CFAP20DC: variants seen among roughly 807,000 people sequenced by gnomAD.
CFAP20DC encodes CFAP20 domain containing, also known as protein CFAP20DC.
Under a neutral mutation model 101.7 loss-of-function variants are expected in CFAP20DC, and 84 were observed. The observed-to-expected ratio is 0.83, with a 90% CI of 0.69 to 0.99. The LOEUF is 0.99. Among genes scored for constraint, CFAP20DC ranks in the 50% least tolerant of loss-of-function variants. The pLI, the probability that CFAP20DC is intolerant of heterozygous loss-of-function variation, is 0.00. For synonymous variants in CFAP20DC, 359 were observed against 351.2 expected, an observed-to-expected ratio of 1.02 and a Z score of -0.25; for missense variants, 1,007 against 970.3, an observed-to-expected ratio of 1.04 and a Z score of -0.50.
rs892946886 is a variant in CFAP20DC, at chr3:58,861,475, T to C, written c.1593+2083A>G. On this transcript the variant is annotated intron_variant, in intron 12 of 16. Coordinates refer to ENST00000482387, the MANE Select transcript of CFAP20DC (RefSeq NM_001394063.1). This position sits in a 1 kb window ranked among gnomAD's most constrained non-coding sequence, Gnocchi z 4.0. ...TGTAAATATGTAGCCTAATTTCCCATTGATTTATACAATTAATAAATAGAA... is the reference window on the plus strand; with the variant it reads ...TGTAAATATGTAGCCTAATTTCCCACTGATTTATACAATTAATAAATAGAA... 5 of 917,530 alleles carry C rather than the reference T, an allele frequency of 5.4e-6. No individual in the cohort carries two copies. Among genetic ancestry groups the C allele is most frequent in the Admixed American group, 6.2e-5 (1 of 16,158 alleles). The allele number at this position is 917,530 out of a possible 1,614,324, so 56.8% of individuals were successfully genotyped here.
At chr3:59,030,276 G>A (rs2093965531) in intron 4 of CFAP20DC, among the ~76,000 whole-genome samples, 1 of 152,134 alleles carries the variant, frequency 6.6e-6, no homozygotes, top group Admixed American at 6.5e-5. Flanking sequence ...TTCATTTAAG[G>A]GGGAAAAAAA....
chr3:58,899,434 C>T lies in CFAP20DC; in HGVS notation c.550+14274G>A, dbSNP rs189865072. 6.6e-6 allele frequency among the ~76,000 whole-genome samples: 1 copy of T among 152,318 alleles called. No homozygotes were observed. The highest frequency in any genetic ancestry group is 2.4e-5 in the African/African-American group (1 of 41,556). On this transcript the variant is annotated intron_variant, in intron 6 of 16. Transcript: ENST00000482387. This position sits in a 1 kb window ranked among gnomAD's most constrained non-coding sequence, Gnocchi z 5.0. ...TTGTGAGACACTGTGGAAGGGGGGC[C>T]TGCAGAACATGCTGCTTGGCTTCCG...
intron 13 of CFAP20DC, among the ~76,000 whole-genome samples, chr3:58,833,836 G>A (rs1474634756): frequency 6.6e-6 from 1 of 152,134 alleles, no homozygotes; most frequent in Non-Finnish European, 1.5e-5. Context: ...ATCAACTGAT[G>A]GATGAGTTTT....
At chr3:58,752,848 A>C (rs1472174382) in intron 16 of CFAP20DC, among the ~76,000 whole-genome samples, 2 of 152,156 alleles carry the variant, frequency 1.3e-5, no homozygotes, top group Non-Finnish European at 2.9e-5. Flanking sequence ...AGGAAAAAAA[A>C]CAAAACCTGG....
chr3:58,862,987 A>C (rs1222383357), intron 12 of CFAP20DC: 96 of 975,234 alleles, frequency 9.8e-5, no homozygotes, highest in Non-Finnish European at 1.1e-4. Context: ...GGATATATCC[A>C]TATTCTAAAT....
At chr3:58,988,593 C>A (rs1559950282) in intron 4 of CFAP20DC, among the ~76,000 whole-genome samples, 2 of 152,114 alleles carry the variant, frequency 1.3e-5, no homozygotes, top group Non-Finnish European at 2.9e-5. Context: ...AACTACTTCA[C>A]CATATTTCCT....
intron 15 of CFAP20DC, among the ~76,000 whole-genome samples, chr3:58,792,661 G>T (rs2072947997): frequency 6.6e-6 from 1 of 150,852 alleles, no homozygotes; most frequent in African/African-American, 2.4e-5. Flanking sequence ...GACTCTCAGA[G>T]TACTCAATTG....
In CFAP20DC at chr3:58,869,254, G is replaced by T; in HGVS notation, c.1015+74C>A. 2 of 1,200,488 alleles carry T rather than the reference G, an allele frequency of 1.7e-6. No individual in the cohort carries two copies. Among genetic ancestry groups the T allele is most frequent in the Non-Finnish European group, 2.3e-6 (2 of 857,494 alleles). 74.4% of individuals were successfully genotyped at this position (1,200,488 alleles called of 1,614,324 possible). On this transcript the variant is annotated intron_variant, in intron 9 of 16. Coordinates refer to ENST00000482387, the MANE Select transcript of CFAP20DC (RefSeq NM_001394063.1). This position sits in a 1 kb window ranked among gnomAD's most constrained non-coding sequence, Gnocchi z 4.3. ...TTAAGATCTAGACTTGAATATAACTGCTGATTTATCTTAACAAGAACATTT... is the reference window on the plus strand; with the variant it reads ...TTAAGATCTAGACTTGAATATAACTTCTGATTTATCTTAACAAGAACATTT...
At chr3:58,985,216 C>G (rs796291725) in intron 4 of CFAP20DC, among the ~76,000 whole-genome samples, 4 of 152,318 alleles carry the variant, frequency 2.6e-5, no homozygotes, top group African/African-American at 9.6e-5. Flanking sequence ...GTGTGAGCCA[C>G]TGTGCTGGGC....
chr3:58,951,267 G>C (rs1237351863), intron 4 of CFAP20DC, among the ~76,000 whole-genome samples: 1 of 152,214 alleles, frequency 6.6e-6, no homozygotes, highest in Non-Finnish European at 1.5e-5. Context: ...ACAGGTGCTG[G>C]AGAGGATGTG....
intron 16 of CFAP20DC, among the ~76,000 whole-genome samples, chr3:58,750,087 G>T (rs1355492082): frequency 6.6e-6 from 1 of 152,148 alleles, no homozygotes; most frequent in East Asian, 1.9e-4. Context: ...CTGTTCACAT[G>T]AATGTGGCAT....
intron 4 of CFAP20DC, among the ~76,000 whole-genome samples, chr3:59,004,018 C>A (rs1034263625): frequency 6.6e-6 from 1 of 152,134 alleles, no homozygotes; most frequent in African/African-American, 2.4e-5. Context: ...TCATAAATGT[C>A]TTGATATAGT....
chr3:58,947,479 C>T (rs1411437431), intron 4 of CFAP20DC, among the ~76,000 whole-genome samples: 1 of 152,226 alleles, frequency 6.6e-6, no homozygotes, highest in Non-Finnish European at 1.5e-5. Flanking sequence ...GGGCTGGTAG[C>T]TCTCCCTCAG....
intron 14 of CFAP20DC, among the ~76,000 whole-genome samples, chr3:58,817,157 G>A (rs1460407467): frequency 2.6e-5 from 4 of 151,756 alleles, no homozygotes; most frequent in African/African-American, 7.3e-5. Flanking sequence ...CATCATCAAA[G>A]ACCAAAAGTA....
intron 14 of CFAP20DC, among the ~76,000 whole-genome samples, chr3:58,819,059 T>A (rs1171689330): frequency 6.7e-6 from 1 of 149,632 alleles, no homozygotes; most frequent in East Asian, 2.0e-4. Context: ...CATAACGAAA[T>A]GAAGGCAGAA....
chr3:58,870,397 G>T, intron 7 of CFAP20DC, 88 bp from the exon 8 acceptor site: 1 of 1,364,372 alleles, frequency 7.3e-7, no homozygotes, highest in Non-Finnish European at 1.0e-6. Flanking sequence ...TCCAGTCCAG[G>T]TGCCATAGGA....
rs1441998966 is a variant in CFAP20DC, at chr3:58,863,639, CA to C, written c.1511del (p.Leu504TrpfsTer3). 6.2e-7 allele frequency: 1 copy of C among 1,614,084 alleles called. No homozygotes were observed. The highest frequency in any genetic ancestry group is 1.1e-5 in the South Asian group (1 of 91,072). On this transcript the variant is annotated frameshift_variant, in exon 12 of 17. Coordinates refer to ENST00000482387, the MANE Select transcript of CFAP20DC (RefSeq NM_001394063.1). LOFTEE classifies it high-confidence loss of function. This position sits in a 1 kb window ranked among gnomAD's most constrained non-coding sequence, Gnocchi z 5.9. ...TMSPEELSFI[L>X]DLKEDNSVTS... ...TCACACTGTTATCCTCTTTTAGATC[CA>C]AAATAAATGAGAGCTCCTCTGGGGA...
chr3:58,854,947 C>T (rs550452384), intron 12 of CFAP20DC, among the ~76,000 whole-genome samples: 38 of 145,570 alleles, frequency 2.6e-4, no homozygotes, highest in African/African-American at 9.2e-4. Flanking sequence ...ATGTCTAAAA[C>T]ACCAAAAGCA....
intron 15 of CFAP20DC, among the ~76,000 whole-genome samples, chr3:58,765,880 G>A (rs1038111047): frequency 1.3e-5 from 2 of 152,180 alleles, no homozygotes; most frequent in African/African-American, 2.4e-5. Flanking sequence ...AGGACTAGGA[G>A]ATAGCTCATT....
Sources: allele counts gnomAD v4.1 joint callset (sites outside exome capture counted in the v4.1 genomes callset), GRCh38; gene constraint gnomAD v4.1.1; non-coding constraint Gnocchi (gnomAD v3.1); transcripts MANE v1.5; gene names NCBI Gene and HGNC (gene_info 2026-07-23, HGNC 2026-07-21).